Variants in CCDC117 observed in about 807,000 individuals in gnomAD.
CCDC117 encodes coiled-coil domain containing 117.
Under a neutral mutation model 23.5 loss-of-function variants are expected in CCDC117, and 1 was observed. The ratio of observed to expected loss-of-function variants is 0.04; its 90% CI spans 0.02 to 0.20. The LOEUF (loss-of-function observed/expected upper bound fraction) is 0.20. Among genes scored for constraint, CCDC117 ranks in the 10% least tolerant of loss-of-function variants. The probability of loss-of-function intolerance (pLI) is 1.00; values close to 1 mark genes in which losing one functional copy is unlikely to be tolerated. For missense variants in CCDC117, 383 were observed against 348.2 expected (o/e 1.10, Z -0.80); for synonymous variants, 132 against 124.8 (o/e 1.06, Z -0.39).
chr22:28,784,895 G>C (rs1048041259), intron 4 of CCDC117, among the ~76,000 whole-genome samples: 1 of 151,906 alleles, frequency 6.6e-6, no homozygotes, highest in South Asian at 2.1e-4. Flanking sequence ...TCAGCCTCCC[G>C]AGTAGCTGGG....
chr22:28,783,866 C>G (rs2031432516), intron 4 of CCDC117, among the ~76,000 whole-genome samples: 1 of 152,066 alleles, frequency 6.6e-6, no homozygotes, highest in African/African-American at 2.4e-5. Context: ...TCTTTGGTTC[C>G]TTTGAAGACC....
At chr22:28,783,965 A>G (rs1371739775) in intron 4 of CCDC117, among the ~76,000 whole-genome samples, 1 of 152,158 alleles carries the variant, frequency 6.6e-6, no homozygotes, top group Non-Finnish European at 1.5e-5. Context: ...ACCACATTTT[A>G]AAGGCTCTTG....
rs1390351364 is a variant in CCDC117 at position 28,788,939 on chromosome 22, T to C, written c.*2613T>C. 2 of 152,184 alleles carry C rather than the reference T, an allele frequency of 1.3e-5. No individual in the cohort carries two copies. The highest frequency in any genetic ancestry group is 1.3e-4 in the Admixed American group (2 of 15,216). 9.4% of individuals were successfully genotyped at this position (152,184 alleles called of 1,614,324 possible). A position where few individuals can be genotyped will look rare whatever the true frequency, so the allele number is the denominator to read the frequency against. ...GAACAAATGTGTATTTTATCTGAGT[T>C]TGAGTAGGGTGCGTTGTGGATTTTG... On this transcript the variant is annotated 3_prime_UTR_variant, in exon 5 of 5. Coordinates refer to ENST00000249064, the MANE Select transcript of CCDC117 (RefSeq NM_173510.4).
At chr22:28,780,700 G>A (rs2031290637) in intron 2 of CCDC117, among the ~76,000 whole-genome samples, 1 of 152,064 alleles carries the variant, frequency 6.6e-6, no homozygotes, top group South Asian at 2.1e-4. Flanking sequence ...GTCCCACATT[G>A]AACACTTACT....
Position 28,786,506 on chromosome 22 carries a change from C to A in CCDC117, c.*180C>A. 1 of 562,804 alleles carries A rather than the reference C, an allele frequency of 1.8e-6. No homozygotes were observed. Among genetic ancestry groups the A allele is most frequent in the Non-Finnish European group, 3.1e-6 (1 of 320,302 alleles). The allele number at this position is 562,804 out of a possible 1,614,324, so 34.9% of individuals were successfully genotyped here. On this transcript the variant is annotated 3_prime_UTR_variant, in exon 5 of 5. Coordinates refer to ENST00000249064, the MANE Select transcript of CCDC117 (RefSeq NM_173510.4). ...CCATTTATTGACTTCACCTTTTTGC[C>A]AAGGACGTTTGTCTCAAGGGAAAAG...
chr22:28,784,495 C>T (rs1047544187), intron 4 of CCDC117, among the ~76,000 whole-genome samples: 7 of 152,184 alleles, frequency 4.6e-5, no homozygotes, highest in Admixed American at 4.6e-4. Context: ...CTGAAAAAGC[C>T]TCTTAGGACA....
At chr22:28,785,200 G>GTTT (rs764131552) in intron 4 of CCDC117, among the ~76,000 whole-genome samples, 11 of 150,050 alleles carry the variant, frequency 7.3e-5, no homozygotes, top group African/African-American at 2.7e-4. Flanking sequence ...GTTTTGTTTT[G>GTTT]TGTTTTGAGA....
chr22:28,781,335 G>GTTTTGTTT (rs2031317085), intron 3 of CCDC117, among the ~76,000 whole-genome samples, 163 bp downstream of exon 3: 2 of 14,822 alleles, frequency 1.3e-4, no homozygotes, highest in Non-Finnish European at 2.0e-4. Context: ...TTTTTGTTTT[G>GTTTTGTTT]TTTTTTTTTT....
chr22:28,786,446 C>T lies in CCDC117; in HGVS notation c.*120C>T, dbSNP rs774278635. 1.6e-6 allele frequency: 1 copy of T among 642,364 alleles called. No homozygotes were observed. Among genetic ancestry groups the T allele is most frequent in the Non-Finnish European group, 2.6e-6 (1 of 386,484 alleles). The allele number at this position is 642,364 out of a possible 1,614,324, so 39.8% of individuals were successfully genotyped here. Reference sequence around the variant, plus strand: ...GAGACGGGTGTAATAATATCTCCACCTGTGATTTGGGGGTGGGACTCTTAT... The same window carrying T: ...GAGACGGGTGTAATAATATCTCCACTTGTGATTTGGGGGTGGGACTCTTAT... On this transcript the variant is annotated 3_prime_UTR_variant, in exon 5 of 5. Coordinates refer to ENST00000249064, the MANE Select transcript of CCDC117 (RefSeq NM_173510.4).
At position 28,783,348 on chromosome 22, in the gene CCDC117, A is replaced by G. The variant is rs972130383; in HGVS notation, c.465-160A>G. On this transcript the variant is annotated intron_variant, in intron 3 of 4. Coordinates refer to ENST00000249064, the MANE Select transcript of CCDC117 (RefSeq NM_173510.4). ...GAGCCACCACACCCGGCCTGAGTAT[A>G]CCTTTTATACTCAGGTATAGCCTCA... Among the ~76,000 whole-genome samples, 46 of 151,994 alleles carry G rather than the reference A, an allele frequency of 3.0e-4. 1 individual carries two copies. The highest frequency in any genetic ancestry group is 1.1e-3 in the African/African-American group (44 of 41,356).
In CCDC117 at chr22:28,775,723, C is replaced by G. The variant is rs2031143263; in HGVS notation, c.239+1945C>G. ...ACCAGCCTGACCAATTTGATGAAAC[C>G]CCGTCTCTGCTAAAAATACAAAAAT... On this transcript the variant is annotated intron_variant, in intron 2 of 4. Transcript: ENST00000249064. Among the ~76,000 whole-genome samples, 3 of 151,882 alleles carry G rather than the reference C, an allele frequency of 2.0e-5. No homozygotes were observed. The South Asian group carries it at 6.2e-4, about 32-fold the overall frequency.
rs1250687074 is a variant in CCDC117 at position 28,776,245 on chromosome 22, C to CTA, written c.239+2468_239+2469dup. Among the ~76,000 whole-genome samples, 9 of 152,222 alleles carry CTA rather than the reference C, an allele frequency of 5.9e-5. No individual in the cohort carries two copies. The East Asian group carries it at 1.7e-3, about 29-fold the overall frequency. ...CCAAAATGGTGAAACCCTGTCTCTA[C>CTA]TAAATACAAAGAAATAGCTGGTGTG... On this transcript the variant is annotated intron_variant, in intron 2 of 4. Transcript: ENST00000249064.
chr22:28,782,048 C>G (rs1159748006), intron 3 of CCDC117, among the ~76,000 whole-genome samples: 1 of 151,560 alleles, frequency 6.6e-6, no homozygotes, highest in African/African-American at 2.4e-5. Flanking sequence ...ACCCATCTGC[C>G]CCCCTCAGCC....
At chr22:28,784,169 T>C (rs747848044) in intron 4 of CCDC117, among the ~76,000 whole-genome samples, 17 of 152,218 alleles carry the variant, frequency 1.1e-4, no homozygotes, top group Non-Finnish European at 1.8e-4. Context: ...AGCTCAGTTA[T>C]CTGGTTTCCT....
intron 1 of CCDC117, 39 bp from the exon 2 acceptor site, chr22:28,773,686 T>C: frequency 6.5e-7 from 1 of 1,539,224 alleles, no homozygotes; most frequent in Non-Finnish European, 9.0e-7. Context: ...CAAGCTCGAG[T>C]ACATTTCTTA....
In CCDC117 at chr22:28,781,185, T is replaced by C. The variant is rs760793625; in HGVS notation, c.464+13T>C. ...AGATTGAGGACAGGTAAATGGGCAG[T>C]GTATATAGCTGGTTTTTTGCTGTTC... is the stretch of plus-strand genomic sequence containing the variant. On this transcript the variant is annotated intron_variant, in intron 3 of 4. Coordinates refer to ENST00000249064, the MANE Select transcript of CCDC117 (RefSeq NM_173510.4). 6.5e-7 allele frequency: 1 copy of C among 1,536,350 alleles called. No homozygotes were observed. Among genetic ancestry groups the C allele is most frequent in the South Asian group, 1.1e-5 (1 of 88,724 alleles).
chr22:28,773,524 A>C, intron 1 of CCDC117: 1 of 595,064 alleles, frequency 1.7e-6, no homozygotes, highest in East Asian at 2.8e-5. Context: ...ATAAAAGGAC[A>C]AGTTGAGATT....
At chr22:28,783,401 CT>C in intron 3 of CCDC117, 106 bp from the exon 4 acceptor site, 1 of 1,093,074 alleles carries the variant, frequency 9.1e-7, no homozygotes, top group East Asian at 2.6e-5. Context: ...TGCTGTATTA[CT>C]TACTGCTTTT....
At chr22:28,785,322 G>A (rs184873439) in intron 4 of CCDC117, among the ~76,000 whole-genome samples, 2 of 152,124 alleles carry the variant, frequency 1.3e-5, no homozygotes, top group African/African-American at 4.8e-5. Context: ...CCGAGTAGCT[G>A]GGACTACAGT....
Sources: gnomAD v4.1 joint callset for allele counts (sites outside exome capture counted in the v4.1 genomes callset) on GRCh38, gnomAD v4.1.1 for gene constraint, MANE v1.5 for transcripts, NCBI Gene and HGNC (gene_info 2026-07-23, HGNC 2026-07-21) for gene names.